PDK1: variants seen among roughly 807,000 people sequenced by gnomAD.
The protein encoded by PDK1 is [Pyruvate dehydrogenase (acetyl-transferring)] kinase isozyme 1, mitochondrial.
Under a neutral mutation model 54.2 loss-of-function variants are expected in PDK1, and 39 were observed. The observed-to-expected ratio is 0.72, with a 90% confidence interval of 0.56 to 0.94. The LOEUF (loss-of-function observed/expected upper bound fraction) is 0.94, where lower values mean the gene tolerates loss of function less well. PDK1 is among the 40% of genes least tolerant of loss of function. The probability of loss-of-function intolerance (pLI) is 0.00; values close to 1 mark genes in which losing one functional copy is unlikely to be tolerated. For missense variants in PDK1, 552 were observed against 566.0 expected (o/e 0.98, Z 0.25); for synonymous variants, 221 against 207.1 (o/e 1.07, Z -0.58).
At chr2:172,557,649 T>A (rs939468173) in intron 1 of PDK1, among the ~76,000 whole-genome samples, 7 of 127,598 alleles carry the variant, frequency 5.5e-5, no homozygotes, top group Admixed American at 1.6e-4. Flanking sequence ...GTGTGTGTAT[T>A]TTTTTTTAAA....
chr2:172,664,109 C>T, the PDK1 span, among the ~76,000 whole-genome samples: 7,356 of 150,776 alleles, frequency 0.049, 382 homozygotes, highest in African/African-American at 0.13. Context: ...GTAGGGAGTT[C>T]GCGACCAGCC....
the PDK1 span, among the ~76,000 whole-genome samples, chr2:172,664,184 A>G: frequency 0.19 from 28,474 of 151,424 alleles, 5,083 homozygotes; most frequent in East Asian, 0.53. Context: ...GGTGGCACGC[A>G]CCTGTAATCC....
rs1400463066 is a variant in PDK1 at position 172,558,747 on chromosome 2, T to TG, written c.237dup (p.Arg80AlafsTer21). 2 of 1,611,042 alleles carry TG rather than the reference T, an allele frequency of 1.2e-6. No homozygotes were observed. The highest frequency in any genetic ancestry group is 1.7e-6 in the Non-Finnish European group (2 of 1,179,132). On this transcript the variant is annotated frameshift_variant, in exon 2 of 11. Transcript: ENST00000282077. LOFTEE classifies it high-confidence loss of function. The stretch of plus-strand genomic sequence containing the variant: ...TGTGAAAAGACCTCATTTATGTTTC[T>TG]GCGGCAAGAGTTGCCTGTCAGACTG...
chr2:172,631,248 A>T, the PDK1 span, among the ~76,000 whole-genome samples: 1 of 152,160 alleles, frequency 6.6e-6, no homozygotes, highest in Non-Finnish European at 1.5e-5. Flanking sequence ...ATTCCATCCC[A>T]TCCCATCGTA....
intron 3 of PDK1, among the ~76,000 whole-genome samples, chr2:172,562,573 A>G (rs1034779575): frequency 7.9e-5 from 12 of 152,230 alleles, no homozygotes; most frequent in African/African-American, 2.4e-4. Flanking sequence ...TGCTCCTTCT[A>G]ATGGACAACC....
chr2:172,673,171 C>A, the PDK1 span, among the ~76,000 whole-genome samples: 1 of 152,204 alleles, frequency 6.6e-6, no homozygotes, highest in Non-Finnish European at 1.5e-5. Flanking sequence ...TGTTGGCATA[C>A]TTCCCGGGTC....
intron 3 of PDK1, chr2:172,564,160 T>C (rs1399381295): frequency 4.2e-6 from 2 of 480,578 alleles, no homozygotes; most frequent in Non-Finnish European, 8.4e-6. Flanking sequence ...CTATGCAGAA[T>C]GTCTCTGGAA....
At chr2:172,555,501 A>C (rs1218076769), upstream of PDK1, 1 of 152,204 alleles carries the variant, frequency 6.6e-6, no homozygotes, top group African/African-American at 2.4e-5. Flanking sequence ...GATACTATTT[A>C]GGGCCACACG....
the PDK1 span, among the ~76,000 whole-genome samples, chr2:172,653,140 A>G: frequency 6.6e-6 from 1 of 152,206 alleles, no homozygotes; most frequent in Admixed American, 6.5e-5. Flanking sequence ...CCAATGGAAC[A>G]GAACAGAGCC....
rs79485922 is a variant in PDK1 at position 172,595,608 on chromosome 2, A to C, written c.1171-221A>C. Among the ~76,000 whole-genome samples, 751 of 152,316 alleles carry C rather than the reference A, an allele frequency of 4.9e-3. 17 individuals carry two copies. The highest frequency in any genetic ancestry group is 0.038 in the East Asian group (197 of 5,188). On this transcript the variant is annotated intron_variant, in intron 10 of 10. Transcript: ENST00000282077. ...GGCTGGGGAATTACTGTAAGCAACA[A>C]ACTCAGTCAACCTGCACATCAGTCA...
At chr2:172,574,397 C>T (rs188584788) in intron 8 of PDK1, among the ~76,000 whole-genome samples, 4 of 152,220 alleles carry the variant, frequency 2.6e-5, no homozygotes, top group East Asian at 1.9e-4. Flanking sequence ...ATTATTTTGG[C>T]TGTTATGGGT....
chr2:172,713,280 G>A, the PDK1 span, among the ~76,000 whole-genome samples: 18 of 152,230 alleles, frequency 1.2e-4, no homozygotes, highest in Non-Finnish European at 2.5e-4. Flanking sequence ...GCAGCCATGT[G>A]TGGGCTTGGA....
At chr2:172,697,066 C>T in the PDK1 span, among the ~76,000 whole-genome samples, 2,624 of 152,034 alleles carry the variant, frequency 0.017, 70 homozygotes, top group African/African-American at 0.06. Flanking sequence ...GAATTTGTAA[C>T]GGAAGATGTT....
At chr2:172,660,931 C>A in the PDK1 span, among the ~76,000 whole-genome samples, 1 of 151,782 alleles carries the variant, frequency 6.6e-6, no homozygotes. Flanking sequence ...AATAAATATT[C>A]TTTGCTTTCA....
At chr2:172,569,341 G>A (rs947498238) in intron 7 of PDK1, among the ~76,000 whole-genome samples, 6 of 152,068 alleles carry the variant, frequency 3.9e-5, no homozygotes, top group African/African-American at 1.4e-4. Flanking sequence ...GACTTACAGG[G>A]TTTCTGCTGT....
In PDK1 at chr2:172,564,491, G is replaced by C. The variant is rs749334715; in HGVS notation, c.411-12G>C. 8 of 1,596,082 alleles carry C rather than the reference G, an allele frequency of 5.0e-6. No individual in the cohort carries two copies. The South Asian group carries it at 7.8e-5, about 16-fold the overall frequency. On this transcript the variant is annotated splice_polypyrimidine_tract_variant and intron_variant, in intron 3 of 10. Coordinates refer to ENST00000282077, the MANE Select transcript of PDK1 (RefSeq NM_002610.5). The stretch of plus-strand genomic sequence containing the variant: ...AAAATATTTGGCTGTTTTGACAGAT[G>C]GGTTTGTTTAGCTTTACAGATACTG...
chr2:172,579,657 A>G (rs1318903998), intron 8 of PDK1, among the ~76,000 whole-genome samples: 1 of 146,686 alleles, frequency 6.8e-6, no homozygotes, highest in Non-Finnish European at 1.5e-5. Context: ...CTTCCTTCTT[A>G]TGTGACCAGT....
chr2:172,636,564 T>C, the PDK1 span, among the ~76,000 whole-genome samples: 1 of 151,850 alleles, frequency 6.6e-6, no homozygotes, highest in Non-Finnish European at 1.5e-5. Flanking sequence ...CTACTAAAAA[T>C]ACAAAAATTA....
At chr2:172,573,514 TACACAC>T (rs991587817) in intron 8 of PDK1, among the ~76,000 whole-genome samples, 1 of 151,556 alleles carries the variant, frequency 6.6e-6, no homozygotes, top group Non-Finnish European at 1.5e-5. Context: ...TGTATATATA[TACACAC>T]ACATACATAT....
Sources: gnomAD v4.1 joint callset for allele counts (sites outside exome capture counted in the v4.1 genomes callset) on GRCh38, gnomAD v4.1.1 for gene constraint, MANE v1.5 for transcripts, NCBI Gene and HGNC (gene_info 2026-07-23, HGNC 2026-07-21) for gene names.